The following NIN variants were observed in gnomAD, a reference collection of about 807,000 sequenced individuals.
NIN encodes the protein ninein.
A neutral mutation model predicts 257.6 loss-of-function variants in NIN; 137 were observed. The ratio of observed to expected loss-of-function variants is 0.53; its 90% CI spans 0.46 to 0.61. The LOEUF (loss-of-function observed/expected upper bound fraction) is 0.61, where lower values mean the gene tolerates loss of function less well. Among genes scored for constraint, NIN ranks in the 20% least tolerant of loss-of-function variants. NIN has a pLI of 0.00. For synonymous variants in NIN, 918 were observed against 919.8 expected, an observed-to-expected ratio of 1.00 and a Z score of 0.04; for missense variants, 2,439 against 2,501.2, an observed-to-expected ratio of 0.98 and a Z score of 0.53.
chr14:50,796,853 G>C (rs1475692381), intron 4 of NIN, among the ~76,000 whole-genome samples: 1 of 152,074 alleles, frequency 6.6e-6, no homozygotes, highest in African/African-American at 2.4e-5. Flanking sequence ...CCCTAAAACT[G>C]ACCACTGCAC....
chr14:50,810,993 T>TA (rs1053637748), intron 3 of NIN, among the ~76,000 whole-genome samples: 3 of 151,780 alleles, frequency 2.0e-5, no homozygotes, highest in Non-Finnish European at 2.9e-5. Context: ...ACATAAACTA[T>TA]AAAAAAAGAC....
At chr14:50,810,209 C>T (rs1049559145) in intron 3 of NIN, among the ~76,000 whole-genome samples, 11 of 139,888 alleles carry the variant, frequency 7.9e-5, no homozygotes, top group Admixed American at 3.9e-4. Context: ...ACAGCCTGGG[C>T]GACAGAGTGA....
In NIN at chr14:50,721,438, A is replaced by G. The variant is rs1452051709; in HGVS notation, c.*2025T>C. The G allele has an allele frequency of 9.2e-6, 2 of 216,842 alleles. No individual in the cohort carries two copies. The highest frequency in any genetic ancestry group is 1.9e-5 in the Non-Finnish European group (2 of 107,622). The allele number at this position is 216,842 out of a possible 1,614,324, so 13.4% of individuals were successfully genotyped here. ...CATGCTAAGGCCAGCTATCTGGGAA[A>G]TATTATTGTTCAGTTCCAACAGCAA... On this transcript the variant is annotated 3_prime_UTR_variant, in exon 31 of 31. Coordinates refer to ENST00000530997, the MANE Select transcript of NIN (RefSeq NM_020921.4).
chr14:50,789,025 C>T (rs2043463887), intron 5 of NIN, among the ~76,000 whole-genome samples: 2 of 152,126 alleles, frequency 1.3e-5, no homozygotes, highest in Admixed American at 6.5e-5. Flanking sequence ...CCCTCCTTTC[C>T]CTAAGCTGGG....
At chr14:50,749,259 T>C (rs1364621802) in intron 21 of NIN, among the ~76,000 whole-genome samples, 1 of 152,350 alleles carries the variant, frequency 6.6e-6, no homozygotes, top group East Asian at 1.9e-4. Context: ...GCTAGCCATA[T>C]GCAGAAAACT....
At chr14:50,786,802 GT>G (rs1182988806) in intron 5 of NIN, among the ~76,000 whole-genome samples, 4 of 152,126 alleles carry the variant, frequency 2.6e-5, no homozygotes, top group African/African-American at 9.7e-5. Flanking sequence ...ACTTCTCTTG[GT>G]TATTAAGTTT....
At chr14:50,743,302 C>T (rs545229163) in intron 24 of NIN, 114 bp downstream of exon 24, 2 of 692,024 alleles carry the variant, frequency 2.9e-6, no homozygotes, top group Admixed American at 4.7e-5. Flanking sequence ...CAAATTGAAT[C>T]ATTTGGAACC....
chr14:50,757,856 C>T lies in NIN; in HGVS notation c.3174G>A (p.Gln1058=). Residue 1058 remains glutamine (Q), a synonymous_variant, in exon 18 of 31, where the codon CAG becomes CAA. Transcript: ENST00000530997. ...GALSLLQQGE[Q]LLEENGDVLL... ...GGACGTCCCCATTTTCTTCCAACAG[C>T]TGCTCCCCTTGCTGAAGCAGGGACA... 1.2e-6 allele frequency: 2 copies of T among 1,614,202 alleles called. No homozygotes were observed. Among genetic ancestry groups the T allele is most frequent in the Non-Finnish European group, 1.7e-6 (2 of 1,180,044 alleles).
intron 6 of NIN, 77 bp from the exon 7 acceptor site, chr14:50,777,216 C>T (rs1176138383): frequency 2.5e-6 from 3 of 1,203,032 alleles, no homozygotes; most frequent in Non-Finnish European, 3.5e-6. Flanking sequence ...GAAAACTGTG[C>T]TTTTTGAAAA....
At chr14:50,755,873 C>G (rs2042002932) in intron 18 of NIN, among the ~76,000 whole-genome samples, 2 of 151,892 alleles carry the variant, frequency 1.3e-5, no homozygotes, top group South Asian at 4.1e-4. Flanking sequence ...GCTATGTTCC[C>G]TAGGCTTGCC....
At chr14:50,766,434 A>G in intron 13 of NIN, 38 bp from the exon 14 acceptor site, 1 of 1,592,380 alleles carries the variant, frequency 6.3e-7, no homozygotes, top group Non-Finnish European at 8.6e-7. Context: ...ATTTTTCCCG[A>G]GTGCCCTTCT....
chr14:50,810,532 A>G (rs1367545794), intron 3 of NIN, among the ~76,000 whole-genome samples: 1 of 152,270 alleles, frequency 6.6e-6, no homozygotes, highest in Non-Finnish European at 1.5e-5. Flanking sequence ...CTCAAAAAAT[A>G]TAAAATAAAA....
At chr14:50,734,414 C>T (rs1279441018) in intron 28 of NIN, among the ~76,000 whole-genome samples, 2 of 152,050 alleles carry the variant, frequency 1.3e-5, no homozygotes, top group Non-Finnish European at 2.9e-5. Context: ...ATAATTCTGG[C>T]TTAACAATAT....
chr14:50,747,946 G>A (rs575007073), intron 22 of NIN, 46 bp downstream of exon 22: 38 of 1,258,290 alleles, frequency 3.0e-5, no homozygotes, highest in Non-Finnish European at 4.2e-5. Context: ...GAGCCCACCA[G>A]GTACATATTG....
At chr14:50,744,187 G>T in intron 23 of NIN, 56 bp downstream of exon 23, 2 of 1,587,452 alleles carry the variant, frequency 1.3e-6, no homozygotes, top group Admixed American at 3.4e-5. Flanking sequence ...ACAGAGAAAG[G>T]TTCATTATGG....
chr14:50,794,199 C>T (rs1223502154), intron 4 of NIN, among the ~76,000 whole-genome samples: 1 of 152,200 alleles, frequency 6.6e-6, no homozygotes, highest in Non-Finnish European at 1.5e-5. Context: ...CATGTCCTTC[C>T]CTCTGGGACA....
rs569124954 is a variant in NIN at position 50,749,408 on chromosome 14, C to A, written c.4951-1303G>T. On this transcript the variant is annotated intron_variant, in intron 21 of 30. Coordinates refer to ENST00000530997, the MANE Select transcript of NIN (RefSeq NM_020921.4). ...TTCAGGACACAGGCATGGGCAAGGACTTCATGATTTCTAAGGTAAGTTTTG... is the reference window on the plus strand; with the variant it reads ...TTCAGGACACAGGCATGGGCAAGGAATTCATGATTTCTAAGGTAAGTTTTG... Among the ~76,000 whole-genome samples the A allele has an allele frequency of 3.3e-5, 5 of 152,250 alleles. No homozygotes were observed. The East Asian group carries it at 9.7e-4, about 29-fold the overall frequency.
intron 2 of NIN, among the ~76,000 whole-genome samples, chr14:50,826,674 G>A (rs540896835): frequency 5.9e-5 from 9 of 152,306 alleles, no homozygotes; most frequent in Admixed American, 1.3e-4. Flanking sequence ...TAAAGGGGAC[G>A]TCTGTTCTGG....
At chr14:50,728,910 C>T (rs1046786190) in intron 29 of NIN, among the ~76,000 whole-genome samples, 1 of 152,194 alleles carries the variant, frequency 6.6e-6, no homozygotes, top group Non-Finnish European at 1.5e-5. Flanking sequence ...ACTGACTATA[C>T]ACTCTATTTG....
Sources: gnomAD v4.1 joint callset for allele counts (sites outside exome capture counted in the v4.1 genomes callset) on GRCh38, gnomAD v4.1.1 for gene constraint, MANE v1.5 for transcripts, NCBI Gene and HGNC (gene_info 2026-07-23, HGNC 2026-07-21) for gene names.